The following COX15 variants were observed in gnomAD, a reference collection of about 807,000 sequenced individuals.
COX15 encodes cytochrome c oxidase assembly factor COX15, also known as heme A synthase COX15.
In COX15, 51 loss-of-function variants were observed where a neutral mutation model predicts 51.9. The observed-to-expected ratio is 0.98, with a 90% CI of 0.78 to 1.24. COX15 has a LOEUF of 1.24. Among genes scored for constraint, COX15 ranks in the 50% most tolerant of loss-of-function variants. COX15 has a pLI of 0.00. For missense variants in COX15, 420 were observed against 501.1 expected (o/e 0.84, Z 1.55); for synonymous variants, 188 against 190.5 (o/e 0.99, Z 0.11).
rs949739454 is a variant in COX15, at chr10:99,713,759, C to G, written c.*828G>C. 2.5e-5 allele frequency: 12 copies of G among 477,342 alleles called. No homozygotes were observed. Among genetic ancestry groups the G allele is most frequent in the African/African-American group, 7.9e-5 (4 of 50,514 alleles). 29.6% of individuals were successfully genotyped at this position (477,342 alleles called of 1,614,324 possible). A position where few individuals can be genotyped will look rare whatever the true frequency, so the allele number is the denominator to read the frequency against. On this transcript the variant is annotated 3_prime_UTR_variant, in exon 9 of 9. Coordinates refer to ENST00000016171, the MANE Select transcript of COX15 (RefSeq NM_078470.6). ...CCGAGATGGGCGGATTACCTGAGGT[C>G]AGGAGTTCAAGACCAGCCCGGCCAA...
intron 4 of COX15, among the ~76,000 whole-genome samples, chr10:99,725,423 T>G (rs1395051099): frequency 6.6e-6 from 1 of 152,250 alleles, no homozygotes; most frequent in Non-Finnish European, 1.5e-5. Context: ...TTTTCAGTGT[T>G]GGCTTGTTTT....
At chr10:99,704,526 T>G in the COX15 span, 1 of 1,614,094 alleles carries the variant, frequency 6.2e-7, no homozygotes, top group South Asian at 1.1e-5. Context: ...AACCACTATC[T>G]CTTCTTTGCC....
Position 99,727,030 on chromosome 10 carries a change from C to T in COX15, c.520G>A (p.Gly174Ser), listed in dbSNP as rs763842058. 9.3e-5 allele frequency: 150 copies of T among 1,614,096 alleles called. No individual in the cohort carries two copies. Among genetic ancestry groups the T allele is most frequent in the Non-Finnish European group, 1.2e-4 (144 of 1,180,038 alleles). The change falls in exon 4 of 9, where the codon GGC (glycine) becomes AGC (serine). Residue 174 changes from glycine to serine, a missense_variant. By Grantham distance (56) the Gly-to-Ser change is moderately conservative (BLOSUM62 0). Coordinates refer to ENST00000016171, the MANE Select transcript of COX15 (RefSeq NM_078470.6). ...ILPAAYFWRK[G>S]WLSRGMKGRV... Reference sequence around the variant, plus strand: ...CCTTTCATGCCACGGCTGAGCCAGCCCTTTCTCCAAAAGTAGGCAGCAGGC... The same window carrying T: ...CCTTTCATGCCACGGCTGAGCCAGCTCTTTCTCCAAAAGTAGGCAGCAGGC...
Position 99,727,165 on chromosome 10 carries a change from T to C in COX15, c.396-11A>G, listed in dbSNP as rs778221503. 3.1e-5 allele frequency: 50 copies of C among 1,613,768 alleles called. No homozygotes were observed. The highest frequency in any genetic ancestry group is 4.0e-5 in the Non-Finnish European group (47 of 1,179,842). ...ATATCATGATTCAAGCTGGGTGAAA[T>C]GGAAAGTCAAAAAAGGAGGAGGAGG... On this transcript the variant is annotated splice_polypyrimidine_tract_variant and intron_variant, in intron 3 of 8. Coordinates refer to ENST00000016171, the MANE Select transcript of COX15 (RefSeq NM_078470.6).
In COX15 at chr10:99,713,819, A is replaced by C; in HGVS notation, c.*768T>G. 2.6e-6 allele frequency: 1 copy of C among 385,256 alleles called. No homozygotes were observed. Among genetic ancestry groups the C allele is most frequent in the East Asian group, 8.1e-5 (1 of 12,384 alleles). 23.9% of individuals were successfully genotyped at this position (385,256 alleles called of 1,614,324 possible). A position where few individuals can be genotyped will look rare whatever the true frequency, so the allele number is the denominator to read the frequency against. On this transcript the variant is annotated 3_prime_UTR_variant, in exon 9 of 9. Coordinates refer to ENST00000016171, the MANE Select transcript of COX15 (RefSeq NM_078470.6). The stretch of plus-strand genomic sequence containing the variant: ...ACCCCTTCTCTACTAAAAATACAAA[A>C]TTAGCCAGGCATGGTGACTTGTGCC...
In COX15 at chr10:99,727,564, C is replaced by T; in HGVS notation, c.273-1G>A. ...CATCGAGAGGCCAGACTCTGTCAACCTTAGGATAGGAAAGAAATTTTGGGG... is the reference window on the plus strand; with the variant it reads ...CATCGAGAGGCCAGACTCTGTCAACTTTAGGATAGGAAAGAAATTTTGGGG... On this transcript the variant is annotated splice_acceptor_variant, in intron 2 of 8. Coordinates refer to ENST00000016171, the MANE Select transcript of COX15 (RefSeq NM_078470.6). LOFTEE classifies it high-confidence loss of function. 6.2e-7 allele frequency: 1 copy of T among 1,613,336 alleles called. No individual in the cohort carries two copies. Among genetic ancestry groups the T allele is most frequent in the Admixed American group, 1.7e-5 (1 of 60,002 alleles).
At chr10:99,720,212 A>C (rs970844946) in intron 6 of COX15, among the ~76,000 whole-genome samples, 15 of 152,160 alleles carry the variant, frequency 9.9e-5, no homozygotes, top group Non-Finnish European at 2.1e-4. Context: ...TGGGAGGCTA[A>C]GGCGGGTGGA....
chr10:99,699,146 A>G, the COX15 span, among the ~76,000 whole-genome samples: 2 of 152,278 alleles, frequency 1.3e-5, no homozygotes, highest in Non-Finnish European at 2.9e-5. Context: ...TTTTCTTCCA[A>G]CTTTCCAATA....
chr10:99,712,171 C>G lies in COX15; in HGVS notation c.*2416G>C, dbSNP rs1431338889. The stretch of plus-strand genomic sequence containing the variant: ...CCCACCTCTAACACTGAATGTCACA[C>G]TTTGAACATGAGATTTGGAGGGGAC... On this transcript the variant is annotated 3_prime_UTR_variant, in exon 9 of 9. Transcript: ENST00000016171. The G allele has an allele frequency of 3.1e-6, 3 of 953,788 alleles. No homozygotes were observed. The African/African-American group carries it at 5.3e-5, about 17-fold the overall frequency. 59.1% of individuals were successfully genotyped at this position (953,788 alleles called of 1,614,324 possible).
At chr10:99,719,016 A>G (rs1360261561) in intron 6 of COX15, among the ~76,000 whole-genome samples, 4 of 152,164 alleles carry the variant, frequency 2.6e-5, no homozygotes, top group South Asian at 2.1e-4. Flanking sequence ...CATCTAGCAC[A>G]TTATGTTTCT....
chr10:99,727,917 G>A (rs1248788839), intron 2 of COX15, among the ~76,000 whole-genome samples: 1 of 152,030 alleles, frequency 6.6e-6, no homozygotes, highest in Admixed American at 6.6e-5. Context: ...CCAGGGAAAA[G>A]AGACCTGTTA....
chr10:99,698,405 C>T, the COX15 span: 1 of 872,030 alleles, frequency 1.1e-6, no homozygotes. Context: ...AATTGCACTC[C>T]ATCCTCGTTT....
the COX15 span, among the ~76,000 whole-genome samples, chr10:99,703,013 G>T: frequency 6.6e-6 from 1 of 152,098 alleles, no homozygotes; most frequent in Non-Finnish European, 1.5e-5. Flanking sequence ...TGTCATTCTT[G>T]GGTTACCCTG....
the COX15 span, chr10:99,698,480 T>C: frequency 8.4e-6 from 13 of 1,540,592 alleles, no homozygotes; most frequent in Admixed American, 3.6e-5. Flanking sequence ...TTAGACTAGG[T>C]TGAATACAGG....
downstream of COX15, chr10:99,709,825 G>T (rs1590073029): frequency 1.0e-6 from 1 of 985,040 alleles, no homozygotes; most frequent in South Asian, 4.7e-5. Context: ...TTTCCAGTTT[G>T]TCAGTACCGT....
At chr10:99,709,544 A>G (rs907697224), downstream of COX15, 1 of 982,692 alleles carries the variant, frequency 1.0e-6, no homozygotes, top group African/African-American at 1.7e-5. Flanking sequence ...AGTCAATAAT[A>G]TTTTGATTAA....
chr10:99,711,301 T>C lies in COX15; in HGVS notation c.*3286A>G. On this transcript the variant is annotated 3_prime_UTR_variant, in exon 9 of 9. Transcript: ENST00000016171. ...TGTAGAAGCATTAATATATGGTTCTTTGGGTTGGGTCATACTGCCCTCTGC... is the reference window on the plus strand; with the variant it reads ...TGTAGAAGCATTAATATATGGTTCTCTGGGTTGGGTCATACTGCCCTCTGC... 5 of 985,434 alleles carry C rather than the reference T, an allele frequency of 5.1e-6. No homozygotes were observed. Among genetic ancestry groups the C allele is most frequent in the Non-Finnish European group, 6.0e-6 (5 of 829,928 alleles). 61.0% of individuals were successfully genotyped at this position (985,434 alleles called of 1,614,324 possible).
chr10:99,718,226 A>G, intron 7 of COX15, 120 bp downstream of exon 7: 4 of 1,073,976 alleles, frequency 3.7e-6, no homozygotes, highest in Non-Finnish European at 5.5e-6. Context: ...TCTTCCAAAG[A>G]GAGCAGGAAA....
chr10:99,696,956 C>T, the COX15 span, among the ~76,000 whole-genome samples: 1 of 152,080 alleles, frequency 6.6e-6, no homozygotes, highest in Non-Finnish European at 1.5e-5. Context: ...AGAGAAGGAC[C>T]ACAGATGAAA....
Sources: gnomAD v4.1 joint callset for allele counts (sites outside exome capture counted in the v4.1 genomes callset) on GRCh38, gnomAD v4.1.1 for gene constraint, MANE v1.5 for transcripts, NCBI Gene and HGNC (gene_info 2026-07-23, HGNC 2026-07-21) for gene names.